The following PACRG variants were observed in gnomAD, a reference collection of about 807,000 sequenced individuals.
The protein encoded by PACRG is parkin coregulated gene protein.
A neutral mutation model predicts 29.7 loss-of-function variants in PACRG; 29 were observed. That is an observed-to-expected ratio of 0.98 (90% CI 0.73 to 1.33). The LOEUF is 1.33. PACRG is among the 40% of genes most tolerant of loss of function. The probability of loss-of-function intolerance (pLI) is 0.00; values close to 1 mark genes in which losing one functional copy is unlikely to be tolerated. For missense variants in PACRG, 279 were observed against 316.2 expected, an observed-to-expected ratio of 0.88 and a Z score of 0.89; for synonymous variants, 116 against 118.7, an observed-to-expected ratio of 0.98 and a Z score of 0.15.
chr6:163,292,523 C>T (rs1297354441), intron 4 of PACRG, among the ~76,000 whole-genome samples: 1 of 152,128 alleles, frequency 6.6e-6, no homozygotes, highest in East Asian at 1.9e-4. Flanking sequence ...GCCTCGGCCT[C>T]CTGAGTAGCT....
At chr6:162,761,291 G>T (rs1338684649) in intron 1 of PACRG, among the ~76,000 whole-genome samples, 1 of 152,180 alleles carries the variant, frequency 6.6e-6, no homozygotes, top group Non-Finnish European at 1.5e-5. Context: ...TGCCATCTGT[G>T]GTTGGGTCTT....
At chr6:162,857,519 T>G (rs897506634) in intron 2 of PACRG, among the ~76,000 whole-genome samples, 2 of 152,200 alleles carry the variant, frequency 1.3e-5, no homozygotes, top group East Asian at 3.8e-4. Flanking sequence ...GAATAGCGGC[T>G]TGCACATTCT....
intron 4 of PACRG, among the ~76,000 whole-genome samples, chr6:163,255,926 A>G (rs1783090186): frequency 6.6e-6 from 1 of 152,168 alleles, no homozygotes; most frequent in Admixed American, 6.5e-5. Flanking sequence ...GTGAGCCACC[A>G]TGTCCAGCCC....
At chr6:163,051,151 A>G (rs1305120696) in intron 2 of PACRG, 16 of 152,164 alleles carry the variant, frequency 1.1e-4, no homozygotes, top group African/African-American at 3.9e-4. Flanking sequence ...TAAGTTAATG[A>G]TACTATATTT....
At chr6:162,812,534 A>G (rs1489016942) in intron 1 of PACRG, among the ~76,000 whole-genome samples, 1 of 152,002 alleles carries the variant, frequency 6.6e-6, no homozygotes, top group Non-Finnish European at 1.5e-5. Flanking sequence ...AAATGGTGCC[A>G]TATTGGTAGA....
chr6:162,799,480 T>G (rs1785667853), intron 1 of PACRG, among the ~76,000 whole-genome samples: 1 of 152,206 alleles, frequency 6.6e-6, no homozygotes, highest in Non-Finnish European at 1.5e-5. Context: ...GTGCTTTATG[T>G]GTGTGATATA....
At chr6:162,935,494 T>C (rs1450069504) in intron 2 of PACRG, among the ~76,000 whole-genome samples, 3 of 151,786 alleles carry the variant, frequency 2.0e-5, no homozygotes, top group Non-Finnish European at 4.4e-5. Context: ...AAGTTCTCAA[T>C]TGTATTTTTT....
intron 2 of PACRG, among the ~76,000 whole-genome samples, chr6:162,817,279 A>G (rs1021058706): frequency 6.6e-6 from 1 of 152,206 alleles, no homozygotes; most frequent in Non-Finnish European, 1.5e-5. Context: ...CCAGGTTAGG[A>G]ACCATTGTGT....
chr6:163,136,870 T>C (rs1389344283), intron 4 of PACRG, among the ~76,000 whole-genome samples: 1 of 152,252 alleles, frequency 6.6e-6, no homozygotes, highest in Non-Finnish European at 1.5e-5. Context: ...GAAATGTTCC[T>C]GTTTTGTTTT....
In PACRG at chr6:162,922,639, C is replaced by G. The variant is rs141030624; in HGVS notation, c.291+108358C>G. Among the ~76,000 whole-genome samples the G allele has an allele frequency of 4.4e-3, 668 of 152,022 alleles. 6 individuals are homozygous for G. Among genetic ancestry groups the G allele is most frequent in the African/African-American group, 0.015 (611 of 41,486 alleles). Reference sequence around the variant, plus strand: ...TACTTCTATGAGCTCATTTTTTTAACTCCTATGTATGAATGAGAACATGTG... The same window carrying G: ...TACTTCTATGAGCTCATTTTTTTAAGTCCTATGTATGAATGAGAACATGTG... On this transcript the variant is annotated intron_variant, in intron 2 of 4. Transcript: ENST00000366888.
chr6:162,952,265 G>A (rs1355312435), intron 2 of PACRG, among the ~76,000 whole-genome samples: 1 of 152,168 alleles, frequency 6.6e-6, no homozygotes. Flanking sequence ...CACTATTGTA[G>A]GTCATGAAAT....
At chr6:162,808,061 A>G (rs1000252676) in intron 1 of PACRG, among the ~76,000 whole-genome samples, 1 of 152,210 alleles carries the variant, frequency 6.6e-6, no homozygotes. Flanking sequence ...TTATTGTAAT[A>G]ATTTTGTAAG....
chr6:162,990,200 C>T lies in PACRG; in HGVS notation c.292-71950C>T, dbSNP rs62429316. 9.3e-5 allele frequency among the ~76,000 whole-genome samples: 14 copies of T among 151,312 alleles called. No individual in the cohort carries two copies. In the South Asian group the frequency reaches 1.5e-3, roughly 16 times the overall value. ...TGTGAATAATGCTGCAATAAACATACGTGTGCATGTGTCTTTATAGCAGCA... is the reference window on the plus strand; with the variant it reads ...TGTGAATAATGCTGCAATAAACATATGTGTGCATGTGTCTTTATAGCAGCA... On this transcript the variant is annotated intron_variant, in intron 2 of 4. Transcript: ENST00000366888.
chr6:162,833,397 A>G (rs1788947536), intron 2 of PACRG, among the ~76,000 whole-genome samples: 1 of 151,680 alleles, frequency 6.6e-6, no homozygotes, highest in South Asian at 2.1e-4. Flanking sequence ...GTCACTTTTG[A>G]TTCCCCTCTG....
chr6:163,109,046 G>A (rs1341202896), intron 4 of PACRG, among the ~76,000 whole-genome samples: 1 of 152,198 alleles, frequency 6.6e-6, no homozygotes, highest in African/African-American at 2.4e-5. Context: ...CAGTAGGCAT[G>A]CTGACATCTT....
intron 4 of PACRG, among the ~76,000 whole-genome samples, chr6:163,153,377 C>T (rs1239508571): frequency 6.6e-6 from 1 of 152,154 alleles, no homozygotes; most frequent in African/African-American, 2.4e-5. Flanking sequence ...CCACCTTATT[C>T]TGGAAATTCA....
At position 162,784,361 on chromosome 6, in the gene PACRG, G is replaced by T. The variant is rs1413425232; in HGVS notation, c.157-29786G>T. On this transcript the variant is annotated intron_variant, in intron 1 of 4. Transcript: ENST00000366888. ...CATGGTCATCTTATCTTAATTTCTC[G>T]ATCTCCCTTGTCTGCGTGGAAAGGA... Among the ~76,000 whole-genome samples, 3 of 152,168 alleles carry T rather than the reference G, an allele frequency of 2.0e-5. No homozygotes were observed. The East Asian group carries it at 5.8e-4, about 29-fold the overall frequency.
chr6:162,754,945 G>A (rs1781789876), intron 1 of PACRG, among the ~76,000 whole-genome samples: 1 of 152,154 alleles, frequency 6.6e-6, no homozygotes, highest in African/African-American at 2.4e-5. Flanking sequence ...TTACAGGCAT[G>A]TAAAAGTCTT....
At chr6:163,166,930 G>T (rs571699643) in intron 4 of PACRG, among the ~76,000 whole-genome samples, 107 of 152,254 alleles carry the variant, frequency 7.0e-4, no homozygotes, top group African/African-American at 2.4e-3. Flanking sequence ...GAAATCCAAA[G>T]AAAGAATCAT....
Sources: allele counts gnomAD v4.1 joint callset (sites outside exome capture counted in the v4.1 genomes callset), GRCh38; gene constraint gnomAD v4.1.1; transcripts MANE v1.5; gene names NCBI Gene and HGNC (gene_info 2026-07-23, HGNC 2026-07-21).